The following PRKAG2 variants were observed in gnomAD, a reference collection of about 807,000 sequenced individuals.
The protein encoded by PRKAG2 is protein kinase AMP-activated non-catalytic subunit gamma 2, also known as 5'-AMP-activated protein kinase subunit gamma-2.
Under a neutral mutation model 69.6 loss-of-function variants are expected in PRKAG2, and 26 were observed. The ratio of observed to expected loss-of-function variants is 0.37; its 90% confidence interval spans 0.27 to 0.52. The LOEUF (loss-of-function observed/expected upper bound fraction) is 0.52, where lower values mean the gene tolerates loss of function less well. Ranked by LOEUF, PRKAG2 falls within the 20% of genes least tolerant of loss-of-function variation. The pLI is 0.90. For missense variants in PRKAG2, 557 were observed against 740.0 expected, an observed-to-expected ratio of 0.75 and a Z score of 2.87; for synonymous variants, 293 against 285.0, an observed-to-expected ratio of 1.03 and a Z score of -0.28.
At chr7:151,750,629 T>C (rs1167338057) in intron 3 of PRKAG2, among the ~76,000 whole-genome samples, 1 of 152,118 alleles carries the variant, frequency 6.6e-6, no homozygotes, top group Non-Finnish European at 1.5e-5. Flanking sequence ...GGCTAAGGGA[T>C]GTGAGGTTTC....
intron 4 of PRKAG2, among the ~76,000 whole-genome samples, chr7:151,637,707 GTTT>G (rs78930256): frequency 1.4e-5 from 2 of 141,830 alleles, no homozygotes; most frequent in African/African-American, 5.1e-5. Flanking sequence ...AAGTCATGAG[GTTT>G]TTTTTTTTTT....
chr7:151,851,923 A>G (rs1014496702), intron 1 of PRKAG2, among the ~76,000 whole-genome samples: 3 of 152,154 alleles, frequency 2.0e-5, no homozygotes, highest in African/African-American at 7.2e-5. Flanking sequence ...GCTCTGGTGA[A>G]GGGCTTCCCT....
chr7:151,683,440 C>G (rs1834185113), intron 3 of PRKAG2, among the ~76,000 whole-genome samples: 1 of 152,286 alleles, frequency 6.6e-6, no homozygotes, highest in Non-Finnish European at 1.5e-5. Flanking sequence ...AGACCAGATG[C>G]CTATCTGGTG....
chr7:151,622,043 A>G (rs1038564462), intron 5 of PRKAG2, among the ~76,000 whole-genome samples: 1 of 152,220 alleles, frequency 6.6e-6, no homozygotes, highest in Non-Finnish European at 1.5e-5. Flanking sequence ...TTTATTAAGC[A>G]TGACTACCTT....
In PRKAG2 at chr7:151,781,479, C is replaced by T. The variant is rs1216109175; in HGVS notation, c.187-48G>A. 6 of 1,557,206 alleles carry T rather than the reference C, an allele frequency of 3.9e-6. No individual in the cohort carries two copies. In the Admixed American group the frequency reaches 9.5e-5, roughly 25 times the overall value. ...ATGCAGTCACTCCACGCTCTGGACA[C>T]GCTGCCTCCTGCCCTGTATGAAACT... is the stretch of plus-strand genomic sequence containing the variant. On this transcript the variant is annotated intron_variant, in intron 2 of 15. Transcript: ENST00000287878. The surrounding 1 kb of genome is among the most constrained non-coding windows in gnomAD (Gnocchi z 6.1).
intron 1 of PRKAG2, among the ~76,000 whole-genome samples, chr7:151,848,618 A>AT (rs1164783952): frequency 1.6e-5 from 2 of 127,044 alleles, no homozygotes; most frequent in African/African-American, 6.1e-5. Context: ...TCCACCTCCC[A>AT]TGTTCAAGCA....
At chr7:151,656,875 G>A (rs1489344604) in intron 4 of PRKAG2, among the ~76,000 whole-genome samples, 2 of 152,094 alleles carry the variant, frequency 1.3e-5, no homozygotes, top group Admixed American at 6.5e-5. Flanking sequence ...GGTGGCTCAC[G>A]CCTGTAATTC....
At chr7:151,611,092 G>A (rs1435443952) in intron 5 of PRKAG2, among the ~76,000 whole-genome samples, 6 of 152,096 alleles carry the variant, frequency 3.9e-5, no homozygotes, top group Admixed American at 2.0e-4. Flanking sequence ...TGGCCACAGG[G>A]AGCTCTAAAT....
intron 5 of PRKAG2, among the ~76,000 whole-genome samples, chr7:151,608,363 T>C (rs1307829159): frequency 6.6e-6 from 1 of 152,226 alleles, no homozygotes; most frequent in Middle Eastern, 3.2e-3. Flanking sequence ...AAACCTTCCC[T>C]TTGAGCCCCT....
rs904062066 is a variant in PRKAG2 at position 151,756,230 on chromosome 7, G to A, written c.466+24922C>T. Among the ~76,000 whole-genome samples the A allele has an allele frequency of 2.0e-5, 3 of 152,166 alleles. No homozygotes were observed. The highest frequency in any genetic ancestry group is 7.2e-5 in the African/African-American group (3 of 41,448). Reference sequence around the variant, plus strand: ...GTAAAATGACTCACGTACAGGTCATGTGAGCAATGCCCCAGGAACACACAC... The same window carrying A: ...GTAAAATGACTCACGTACAGGTCATATGAGCAATGCCCCAGGAACACACAC... On this transcript the variant is annotated intron_variant, in intron 3 of 15. Coordinates refer to ENST00000287878, the MANE Select transcript of PRKAG2 (RefSeq NM_016203.4). This position sits in a 1 kb window ranked among gnomAD's most constrained non-coding sequence, Gnocchi z 4.9.
chr7:151,773,033 G>A (rs1463855941), intron 3 of PRKAG2, among the ~76,000 whole-genome samples: 1,631 of 30,304 alleles, frequency 0.054, 79 homozygotes, highest in East Asian at 0.1. Flanking sequence ...AAGAGAGAGA[G>A]AGAGAGAGAG....
At chr7:151,820,283 G>A (rs1161639269) in intron 1 of PRKAG2, among the ~76,000 whole-genome samples, 1 of 152,254 alleles carries the variant, frequency 6.6e-6, no homozygotes, top group East Asian at 1.9e-4. Flanking sequence ...ATCTGTCAGA[G>A]CTTCACTCCT....
At chr7:151,798,192 T>TG (rs981234427) in intron 1 of PRKAG2, among the ~76,000 whole-genome samples, 50 of 152,096 alleles carry the variant, frequency 3.3e-4, no homozygotes, top group African/African-American at 1.1e-3. Flanking sequence ...TTAGTAGAGA[T>TG]GGGGTTTCAC....
intron 3 of PRKAG2, among the ~76,000 whole-genome samples, chr7:151,706,385 C>G (rs746654880): frequency 6.6e-6 from 1 of 152,224 alleles, no homozygotes. Context: ...CCTCGCCCTG[C>G]CTTTAACAAG....
At chr7:151,695,687 T>C (rs1253219268) in intron 3 of PRKAG2, among the ~76,000 whole-genome samples, 5 of 152,120 alleles carry the variant, frequency 3.3e-5, no homozygotes, top group East Asian at 1.9e-4. Context: ...ACAAATCAAA[T>C]AGGAACTCTT....
chr7:151,852,835 T>C (rs59436765), intron 1 of PRKAG2, among the ~76,000 whole-genome samples: 3,048 of 151,960 alleles, frequency 0.02, 112 homozygotes, highest in African/African-American at 0.069. Context: ...CCTCCCTCCC[T>C]GGGGCCCCGC....
intron 1 of PRKAG2, among the ~76,000 whole-genome samples, chr7:151,794,590 A>AAG (rs1490023725): frequency 2.0e-5 from 3 of 152,266 alleles, no homozygotes; most frequent in Admixed American, 2.0e-4. Flanking sequence ...CATCATCACC[A>AAG]GGGCAGCCAG....
At chr7:151,801,613 A>G (rs969909593) in intron 1 of PRKAG2, among the ~76,000 whole-genome samples, 20 of 152,198 alleles carry the variant, frequency 1.3e-4, no homozygotes, top group Non-Finnish European at 7.3e-5. Flanking sequence ...AAGGCTGCAA[A>G]CCACGGCGCT....
chr7:151,805,739 T>C (rs1260954244), intron 1 of PRKAG2, among the ~76,000 whole-genome samples: 1 of 152,190 alleles, frequency 6.6e-6, no homozygotes, highest in Non-Finnish European at 1.5e-5. Context: ...TATACTATGA[T>C]TACTGAACCC....
Sources: allele counts gnomAD v4.1 joint callset (sites outside exome capture counted in the v4.1 genomes callset), GRCh38; gene constraint gnomAD v4.1.1; non-coding constraint Gnocchi (gnomAD v3.1); transcripts MANE v1.5; gene names NCBI Gene and HGNC (gene_info 2026-07-23, HGNC 2026-07-21).